PTPRD: variants seen among roughly 807,000 people sequenced by gnomAD.
The protein encoded by PTPRD is receptor-type tyrosine-protein phosphatase delta.
In PTPRD, 34 loss-of-function variants were observed where a neutral mutation model predicts 214.5. That is an observed-to-expected ratio of 0.16 (90% confidence interval 0.12 to 0.21). The LOEUF (loss-of-function observed/expected upper bound fraction) is 0.21, where lower values mean the gene tolerates loss of function less well. PTPRD is among the 10% of genes least tolerant of loss of function. The pLI is 1.00. For missense variants in PTPRD, 2,545 were observed against 2,398.7 expected (o/e 1.06, Z -1.27); for synonymous variants, 1,128 against 845.7 (o/e 1.33, Z -5.79).
chr9:10,575,798 C>T (rs1372711508), intron 2 of PTPRD, among the ~76,000 whole-genome samples: 1 of 152,074 alleles, frequency 6.6e-6, no homozygotes, highest in African/African-American at 2.4e-5. Flanking sequence ...TTCTGTTCCT[C>T]TCCCCAACCC....
intron 11 of PTPRD, among the ~76,000 whole-genome samples, chr9:9,008,840 C>T (rs1000090277): frequency 3.9e-5 from 6 of 152,030 alleles, no homozygotes; most frequent in South Asian, 2.1e-4. Context: ...TATGTTTTTC[C>T]TCTCTTTAAC....
chr9:9,175,761 G>C (rs1415291538), intron 10 of PTPRD, among the ~76,000 whole-genome samples: 2 of 151,524 alleles, frequency 1.3e-5, no homozygotes, highest in East Asian at 2.0e-4. Flanking sequence ...ACCGGCCCAA[G>C]TACCTCTCCC....
intron 14 of PTPRD, among the ~76,000 whole-genome samples, chr9:8,567,412 T>C (rs547829156): frequency 6.6e-6 from 1 of 152,304 alleles, no homozygotes; most frequent in South Asian, 2.1e-4. Flanking sequence ...GTTGTTAACG[T>C]GTCCTACTCA....
intron 7 of PTPRD, among the ~76,000 whole-genome samples, chr9:9,662,531 T>C (rs989473315): frequency 4.0e-5 from 6 of 151,722 alleles, no homozygotes; most frequent in Non-Finnish European, 8.9e-5. Flanking sequence ...TATTATTTTA[T>C]GACATTTGAA....
chr9:9,358,545 A>C (rs73393062), intron 9 of PTPRD, among the ~76,000 whole-genome samples: 2,110 of 151,354 alleles, frequency 0.014, 45 homozygotes, highest in African/African-American at 0.048. Flanking sequence ...TTTTGCCTTT[A>C]CAGAGAATCA....
chr9:9,988,849 T>C (rs951202782), intron 4 of PTPRD, among the ~76,000 whole-genome samples: 3 of 151,754 alleles, frequency 2.0e-5, no homozygotes, highest in Admixed American at 6.6e-5. Flanking sequence ...GGGATATCTT[T>C]TAATCTACTT....
intron 5 of PTPRD, among the ~76,000 whole-genome samples, chr9:9,868,188 G>A (rs560219314): frequency 6.6e-6 from 1 of 152,136 alleles, no homozygotes; most frequent in Non-Finnish European, 1.5e-5. Context: ...TTTTAGCACT[G>A]TAAAATGTTC....
At chr9:8,536,785 CA>C (rs374711423) in intron 14 of PTPRD, among the ~76,000 whole-genome samples, 109 of 152,074 alleles carry the variant, frequency 7.2e-4, no homozygotes, top group African/African-American at 2.4e-3. Flanking sequence ...GACTTTGGGC[CA>C]CAAGGTCCCT....
intron 9 of PTPRD, among the ~76,000 whole-genome samples, chr9:9,225,003 G>A (rs1030904561): frequency 6.6e-6 from 1 of 151,898 alleles, no homozygotes; most frequent in Non-Finnish European, 1.5e-5. Flanking sequence ...CAGTGAATTG[G>A]TTAAACTCAT....
At chr9:8,514,053 T>A (rs571984148) in intron 21 of PTPRD, among the ~76,000 whole-genome samples, 9 of 152,142 alleles carry the variant, frequency 5.9e-5, no homozygotes, top group Non-Finnish European at 1.3e-4. Flanking sequence ...TGTCATTAAA[T>A]TAAATCAGAG....
At chr9:9,983,723 C>T (rs1359328462) in intron 4 of PTPRD, among the ~76,000 whole-genome samples, 1 of 152,194 alleles carries the variant, frequency 6.6e-6, no homozygotes, top group Non-Finnish European at 1.5e-5. Context: ...GATTTCACAA[C>T]TAATGTGATC....
At chr9:10,129,859 A>G (rs930449583) in intron 3 of PTPRD, among the ~76,000 whole-genome samples, 6 of 152,132 alleles carry the variant, frequency 3.9e-5, no homozygotes, top group African/African-American at 1.4e-4. Flanking sequence ...AAACACCATC[A>G]TCAGAGAAAA....
intron 5 of PTPRD, among the ~76,000 whole-genome samples, chr9:9,787,135 T>C (rs542622935): frequency 4.1e-4 from 54 of 132,284 alleles, no homozygotes; most frequent in African/African-American, 1.4e-3. Context: ...AAATTCCATC[T>C]CAATTTAATA....
intron 2 of PTPRD, among the ~76,000 whole-genome samples, chr9:10,562,386 T>G (rs1032280385): frequency 2.6e-5 from 4 of 151,922 alleles, no homozygotes; most frequent in Non-Finnish European, 5.9e-5. Flanking sequence ...CAATTAGAAG[T>G]AACAAAAGCT....
chr9:8,565,455 C>T (rs967568435), intron 14 of PTPRD, among the ~76,000 whole-genome samples: 3 of 152,128 alleles, frequency 2.0e-5, no homozygotes, highest in African/African-American at 7.2e-5. Context: ...GCATTAGACT[C>T]GAATTTGAAA....
At chr9:8,963,904 G>T (rs895718787) in intron 11 of PTPRD, among the ~76,000 whole-genome samples, 4 of 152,098 alleles carry the variant, frequency 2.6e-5, no homozygotes, top group Admixed American at 2.6e-4. Flanking sequence ...ATGAGCCATT[G>T]CACCCAGCCT....
chr9:9,421,989 A>G (rs993658289), intron 8 of PTPRD, among the ~76,000 whole-genome samples: 2 of 145,114 alleles, frequency 1.4e-5, no homozygotes, highest in African/African-American at 2.5e-5. Context: ...ACCAGTATTG[A>G]AAAAAAAAAC....
chr9:9,650,384 C>CT (rs1411885850), intron 7 of PTPRD, among the ~76,000 whole-genome samples: 1 of 152,130 alleles, frequency 6.6e-6, no homozygotes, highest in African/African-American at 2.4e-5. Flanking sequence ...TACTGATTTG[C>CT]TTATGTTGAA....
At chr9:8,941,657 A>C (rs2099034618) in intron 11 of PTPRD, among the ~76,000 whole-genome samples, 1 of 152,194 alleles carries the variant, frequency 6.6e-6, no homozygotes, top group Non-Finnish European at 1.5e-5. Context: ...TATTTCACAA[A>C]GTTAAAACAA....
Sources: allele counts gnomAD v4.1 joint callset (sites outside exome capture counted in the v4.1 genomes callset), GRCh38; gene constraint gnomAD v4.1.1; transcripts MANE v1.5; gene names NCBI Gene and HGNC (gene_info 2026-07-23, HGNC 2026-07-21).